Variants in MRPS30 observed in about 807,000 individuals in gnomAD.
The protein encoded by MRPS30 is large ribosomal subunit protein mL65.
MRPS30 carries 42 observed loss-of-function variants against 43.8 expected under a neutral mutation model. The observed-to-expected ratio is 0.96, with a 90% CI of 0.75 to 1.24. The LOEUF (loss-of-function observed/expected upper bound fraction) is 1.24, where lower values mean the gene tolerates loss of function less well. Among genes scored for constraint, MRPS30 ranks in the 50% most tolerant of loss-of-function variants. The pLI is 0.00. For synonymous variants in MRPS30, 273 were observed against 228.2 expected, an observed-to-expected ratio of 1.20 and a Z score of -1.77; for missense variants, 638 against 570.0, an observed-to-expected ratio of 1.12 and a Z score of -1.22.
chr5:44,809,298 C>A lies in MRPS30; in HGVS notation c.336C>A (p.Thr112=). ...ADRWYQYFTK[T]VFLSGLPPPP... ...GCTGGTACCAGTACTTCACCAAGACCGTGTTCCTGTCGGGTCTGCCGCCGC... is the reference window on the plus strand; with the variant it reads ...GCTGGTACCAGTACTTCACCAAGACAGTGTTCCTGTCGGGTCTGCCGCCGC... Residue 112 remains threonine, a synonymous_variant, in exon 1 of 5, where the codon ACC becomes ACA. Transcript: ENST00000507110. The A allele has an allele frequency of 1.9e-6, 3 of 1,613,140 alleles. No homozygotes were observed. Among genetic ancestry groups the A allele is most frequent in the African/African-American group, 1.3e-5 (1 of 75,038 alleles).
Position 44,815,318 on chromosome 5 carries a change from T to G in MRPS30, c.*116T>G. 2 of 950,544 alleles carry G rather than the reference T, an allele frequency of 2.1e-6. No homozygotes were observed. The highest frequency in any genetic ancestry group is 2.6e-5 in the East Asian group (1 of 38,988). The allele number at this position is 950,544 out of a possible 1,614,324, so 58.9% of individuals were successfully genotyped here. A position where few individuals can be genotyped will look rare whatever the true frequency, so the allele number is the denominator to read the frequency against. ...CATTGATTTTTGAGACAAATATTTCTTATGTCAACCTGTTATTAGATCTCT... is the reference window on the plus strand; with the variant it reads ...CATTGATTTTTGAGACAAATATTTCGTATGTCAACCTGTTATTAGATCTCT... On this transcript the variant is annotated 3_prime_UTR_variant, in exon 5 of 5. Coordinates refer to ENST00000507110, the MANE Select transcript of MRPS30 (RefSeq NM_016640.4).
rs1360871113 is a variant in MRPS30 at position 44,815,370 on chromosome 5, G to T, written c.*168G>T. 21 of 581,406 alleles carry T rather than the reference G, an allele frequency of 3.6e-5. No individual in the cohort carries two copies. The highest frequency in any genetic ancestry group is 5.5e-5 in the Non-Finnish European group (20 of 362,288). The allele number at this position is 581,406 out of a possible 1,614,324, so 36.0% of individuals were successfully genotyped here. On this transcript the variant is annotated 3_prime_UTR_variant, in exon 5 of 5. Transcript: ENST00000507110. ...ACTCTGCTCAAATTCATCACTGAAAGATTTAATTTTAGTTACCTTTTGTTG... is the reference window on the plus strand; with the variant it reads ...ACTCTGCTCAAATTCATCACTGAAATATTTAATTTTAGTTACCTTTTGTTG...
chr5:44,813,677 A>G (rs1003595960), intron 4 of MRPS30: 4 of 157,056 alleles, frequency 2.5e-5, no homozygotes, highest in African/African-American at 9.6e-5. Context: ...CAGGATTTGG[A>G]TTAGGGGATT....
In MRPS30 at chr5:44,814,983, T is replaced by C. The variant is rs1409769331; in HGVS notation, c.1101T>C (p.Phe367=). Residue 367 remains phenylalanine, a synonymous_variant, in exon 5 of 5, where the codon TTT becomes TTC. Coordinates refer to ENST00000507110, the MANE Select transcript of MRPS30 (RefSeq NM_016640.4). The part of the protein sequence containing the change: ...SQAVITDGKY[F]SFFCYQLNTL... Reference sequence around the variant, plus strand: ...CTGTGATCACAGATGGAAAATACTTTTCCTTTTTCTGCTACCAGCTAAATA... The same window carrying C: ...CTGTGATCACAGATGGAAAATACTTCTCCTTTTTCTGCTACCAGCTAAATA... 1 of 1,613,914 alleles carries C rather than the reference T, an allele frequency of 6.2e-7. No individual in the cohort carries two copies. Among genetic ancestry groups the C allele is most frequent in the African/African-American group, 1.3e-5 (1 of 75,058 alleles).
intron 3 of MRPS30, among the ~76,000 whole-genome samples, chr5:44,812,328 G>A (rs1742857561): frequency 1.3e-5 from 2 of 152,102 alleles, no homozygotes; most frequent in African/African-American, 2.4e-5. Flanking sequence ...TTTTAGAACT[G>A]GACTTGAGAT....
Position 44,811,008 on chromosome 5 carries a change from G to T in MRPS30, c.602-1G>T, listed in dbSNP as rs770513809. 5.0e-6 allele frequency: 8 copies of T among 1,612,786 alleles called. No homozygotes were observed. Among genetic ancestry groups the T allele is most frequent in the Non-Finnish European group, 5.9e-6 (7 of 1,179,444 alleles). ...AAAAATTTTGAATATCTTTTTGATA[G>T]ATTATAGATGCCCAGTTCATTTTTA... On this transcript the variant is annotated splice_acceptor_variant, in intron 1 of 4. Transcript: ENST00000507110. LOFTEE classifies it high-confidence loss of function.
rs748623537 is a variant in MRPS30 at position 44,809,427 on chromosome 5, C to T, written c.465C>T (p.Phe155=). The T allele has an allele frequency of 6.2e-7, 1 of 1,613,500 alleles. No homozygotes were observed. Among genetic ancestry groups the T allele is most frequent in the Middle Eastern group, 1.6e-4 (1 of 6,062 alleles). ...VACDCLLQEH[F]YLRRRRRVHR... ...GCGACTGCCTGCTGCAGGAGCACTT[C>T]TACCTGCGGCGCAGGCGGCGCGTGC... The change falls in exon 1 of 5, where the codon TTC becomes TTT. Residue 155 remains phenylalanine (F), a synonymous_variant. Coordinates refer to ENST00000507110, the MANE Select transcript of MRPS30 (RefSeq NM_016640.4).
intron 3 of MRPS30, among the ~76,000 whole-genome samples, 155 bp downstream of exon 3, chr5:44,812,175 A>G (rs554778179): frequency 9.9e-5 from 15 of 152,228 alleles, no homozygotes; most frequent in Middle Eastern, 3.2e-3. Context: ...TTATTACAAC[A>G]TGCATAAACA....
intron 3 of MRPS30, 75 bp from the exon 4 acceptor site, chr5:44,813,031 C>T (rs1742867939): frequency 3.5e-6 from 5 of 1,448,776 alleles, no homozygotes; most frequent in African/African-American, 1.4e-5. Context: ...AAAAAAAAGG[C>T]TCAAATACTA....
At chr5:44,811,647 G>A (rs1039087769) in intron 2 of MRPS30, among the ~76,000 whole-genome samples, 5 of 152,196 alleles carry the variant, frequency 3.3e-5, no homozygotes, top group African/African-American at 1.2e-4. Flanking sequence ...TGTACAGGCC[G>A]TAAGTCTCTG....
chr5:44,810,990 T>G lies in MRPS30; in HGVS notation c.602-19T>G, dbSNP rs780427969. 1.2e-6 allele frequency: 2 copies of G among 1,608,034 alleles called. No individual in the cohort carries two copies. The highest frequency in any genetic ancestry group is 2.2e-5 in the South Asian group (2 of 90,370). ...TTTAGATGATCAGATGAAAAAAATT[T>G]TGAATATCTTTTTGATAGATTATAG... On this transcript the variant is annotated intron_variant, in intron 1 of 4. Coordinates refer to ENST00000507110, the MANE Select transcript of MRPS30 (RefSeq NM_016640.4).
chr5:44,809,183 A>G lies in MRPS30; in HGVS notation c.221A>G (p.Glu74Gly), dbSNP rs753389714. 6.2e-6 allele frequency: 10 copies of G among 1,612,604 alleles called. No individual in the cohort carries two copies. The highest frequency in any genetic ancestry group is 2.2e-5 in the South Asian group (2 of 91,038). Residue 74 changes from glutamate (E) to glycine (G), a missense_variant, in exon 1 of 5, where the codon GAG (glutamate) becomes GGG (glycine). Glu to Gly is a moderately conservative substitution (Grantham distance 98). Coordinates refer to ENST00000507110, the MANE Select transcript of MRPS30 (RefSeq NM_016640.4). ...ERWQATVHAA[E>G]SVDEKLRILT... ...TGGCAGGCGACGGTGCACGCTGCGGAGTCGGTAGACGAGAAGCTGCGAATC... is the reference window on the plus strand; with the variant it reads ...TGGCAGGCGACGGTGCACGCTGCGGGGTCGGTAGACGAGAAGCTGCGAATC...
Position 44,809,127 on chromosome 5 carries a change from C to G in MRPS30, c.165C>G (p.Ser55Arg). 1 of 1,611,960 alleles carries G rather than the reference C, an allele frequency of 6.2e-7. No individual in the cohort carries two copies. Residue 55 changes from serine to arginine, a missense_variant, in exon 1 of 5, where the codon AGC becomes AGG. Ser to Arg is a moderately radical substitution (Grantham distance 110). Transcript: ENST00000507110. ...TTGTGGCCTCCATGACAGCCGACAG[C>G]AAAGCTGCACGGCTGCGGCGGATCG... Reference protein sequence around the residue: ...PPIVASMTADSKAARLRRIER... With the variant: ...PPIVASMTADRKAARLRRIER...
intron 1 of MRPS30, among the ~76,000 whole-genome samples, chr5:44,810,324 G>A (rs1304766917): frequency 6.6e-6 from 1 of 152,186 alleles, no homozygotes; most frequent in African/African-American, 2.4e-5. Flanking sequence ...CCCATTCCAA[G>A]TTCCTAGTAA....
chr5:44,813,468 T>C, intron 4 of MRPS30, 186 bp downstream of exon 4: 1 of 462,744 alleles, frequency 2.2e-6, no homozygotes, highest in African/African-American at 2.0e-5. Context: ...AATCTGACAC[T>C]GAGGTAGTTG....
chr5:44,809,237 T>C lies in MRPS30; in HGVS notation c.275T>C (p.Met92Thr). The C allele has an allele frequency of 6.2e-7, 1 of 1,613,680 alleles. No individual in the cohort carries two copies. Among genetic ancestry groups the C allele is most frequent in the Non-Finnish European group, 8.5e-7 (1 of 1,179,928 alleles). The change falls in exon 1 of 5, where the codon ATG becomes ACG. Residue 92 changes from methionine to threonine, a missense_variant. Coordinates refer to ENST00000507110, the MANE Select transcript of MRPS30 (RefSeq NM_016640.4). ...ILTKMQFMKYMVYPQTFALNA... is the reference protein window; with the variant it reads ...ILTKMQFMKYTVYPQTFALNA... ...ACCAAGATGCAGTTTATGAAGTACA[T>C]GGTTTACCCGCAGACCTTCGCGCTG...
Position 44,815,400 on chromosome 5 carries a change from A to T in MRPS30, c.*198A>T. The T allele has an allele frequency of 2.0e-6, 1 of 499,950 alleles. No homozygotes were observed. The highest frequency in any genetic ancestry group is 3.4e-6 in the Non-Finnish European group (1 of 293,930). 31.0% of individuals were successfully genotyped at this position (499,950 alleles called of 1,614,324 possible). A position where few individuals can be genotyped will look rare whatever the true frequency, so the allele number is the denominator to read the frequency against. On this transcript the variant is annotated 3_prime_UTR_variant, in exon 5 of 5. Coordinates refer to ENST00000507110, the MANE Select transcript of MRPS30 (RefSeq NM_016640.4). ...AATTTTAGTTACCTTTTGTTGATTT[A>T]AAAATAATTGCATTTGTATATTGCT...
Position 44,813,205 on chromosome 5 carries a change from A to T in MRPS30, c.953A>T (p.Asp318Val). 6.2e-7 allele frequency: 1 copy of T among 1,613,190 alleles called. No individual in the cohort carries two copies. Among genetic ancestry groups the T allele is most frequent in the Non-Finnish European group, 8.5e-7 (1 of 1,179,628 alleles). The change falls in exon 4 of 5, where the codon GAT becomes GTT. Residue 318 changes from aspartate (D) to valine (V), a missense_variant. By Grantham distance (152) the Asp-to-Val change is radical (BLOSUM62 -3). Transcript: ENST00000507110. ...RERLLRQNCA[D>V]QIEVVFRANA... ...AGGCTTTTGAGACAAAACTGTGCTGATCAGATAGAAGTTGTTTTTAGAGCT... is the reference window on the plus strand; with the variant it reads ...AGGCTTTTGAGACAAAACTGTGCTGTTCAGATAGAAGTTGTTTTTAGAGCT...
rs776296285 is a variant in MRPS30 at position 44,813,169 on chromosome 5, TAAG to T, written c.921_923del (p.Arg308del). ...CAGTTTCATCTGTTACCTGACAAAT[TAAG>T]AAGGGAAAGGCTTTTGAGACAAAAC... On this transcript the variant is annotated inframe_deletion, in exon 4 of 5. Coordinates refer to ENST00000507110, the MANE Select transcript of MRPS30 (RefSeq NM_016640.4). 3.7e-6 allele frequency: 6 copies of T among 1,613,506 alleles called. No homozygotes were observed. Among genetic ancestry groups the T allele is most frequent in the Non-Finnish European group, 5.1e-6 (6 of 1,179,710 alleles).
Sources: allele counts gnomAD v4.1 joint callset (sites outside exome capture counted in the v4.1 genomes callset), GRCh38; gene constraint gnomAD v4.1.1; transcripts MANE v1.5; gene names NCBI Gene and HGNC (gene_info 2026-07-23, HGNC 2026-07-21).